ZMYM2: variants seen among roughly 807,000 people sequenced by gnomAD.
ZMYM2 encodes zinc finger MYM-type containing 2, also known as zinc finger MYM-type protein 2.
ZMYM2 carries 56 observed loss-of-function variants against 162.8 expected under a neutral mutation model. That is an observed-to-expected ratio of 0.34 (90% CI 0.28 to 0.43). ZMYM2 has a LOEUF of 0.43. Among genes scored for constraint, ZMYM2 ranks in the 20% least tolerant of loss-of-function variants. The pLI, the probability that ZMYM2 is intolerant of heterozygous loss-of-function variation, is 1.00. For synonymous variants in ZMYM2, 510 were observed against 541.6 expected, an observed-to-expected ratio of 0.94 and a Z score of 0.81; for missense variants, 1,275 against 1,621.8, an observed-to-expected ratio of 0.79 and a Z score of 3.67.
the ZMYM2 span, among the ~76,000 whole-genome samples, chr13:19,905,006 A>G: frequency 7.7e-6 from 1 of 129,912 alleles, no homozygotes; most frequent in African/African-American, 2.9e-5. Flanking sequence ...CTTGCTTTCA[A>G]TTTTTTTTTT....
chr13:19,911,093 C>A, the ZMYM2 span, among the ~76,000 whole-genome samples: 2 of 135,106 alleles, frequency 1.5e-5, no homozygotes, highest in African/African-American at 5.4e-5. Flanking sequence ...TGTTGTCCAG[C>A]TAATTTTGGC....
rs371908758 is a variant in ZMYM2 at position 20,003,956 on chromosome 13, G to A, written c.1133+821G>A. On this transcript the variant is annotated intron_variant, in intron 4 of 24. Coordinates refer to ENST00000610343, the MANE Select transcript of ZMYM2 (RefSeq NM_197968.4). The stretch of plus-strand genomic sequence containing the variant: ...GAGCCACCATGCCCAGCCCTCTTCT[G>A]CTGTTTTTTGATCTAGCTTCACTGG... Among the ~76,000 whole-genome samples, 171 of 151,962 alleles carry A rather than the reference G, an allele frequency of 1.1e-3. 1 individual carries two copies. In the Middle Eastern group the frequency reaches 0.017, roughly 15 times the overall value.
intron 1 of ZMYM2, among the ~76,000 whole-genome samples, chr13:19,959,178 C>A (rs1176422648): frequency 1.5e-5 from 2 of 136,854 alleles, no homozygotes; most frequent in Non-Finnish European, 3.2e-5. Context: ...GCCGGCGGGG[C>A]GGCGGGACGG....
Position 20,015,839 on chromosome 13 carries a change from C to T in ZMYM2, c.1513-3708C>T, listed in dbSNP as rs370011491. ...TTTATTTGTGTGGAGTATCTTTTTC[C>T]ATCCTTTTACTTTTGACCTGTTTGT... On this transcript the variant is annotated intron_variant, in intron 6 of 24. Coordinates refer to ENST00000610343, the MANE Select transcript of ZMYM2 (RefSeq NM_197968.4). Among the ~76,000 whole-genome samples the T allele has an allele frequency of 4.2e-4, 64 of 151,946 alleles. 1 individual carries two copies. In the South Asian group the frequency reaches 0.013, roughly 31 times the overall value.
At chr13:19,883,810 G>A in the ZMYM2 span, among the ~76,000 whole-genome samples, 2 of 152,042 alleles carry the variant, frequency 1.3e-5, no homozygotes, top group Non-Finnish European at 2.9e-5. Context: ...AGGCTGGAGC[G>A]CACGGGCACG....
At chr13:20,082,247 C>A in intron 22 of ZMYM2, 117 bp downstream of exon 22, 1 of 760,614 alleles carries the variant, frequency 1.3e-6, no homozygotes, top group Non-Finnish European at 2.1e-6. Flanking sequence ...TTTCTGAACA[C>A]TTACTCGAGC....
intron 1 of ZMYM2, among the ~76,000 whole-genome samples, chr13:19,959,494 G>GC (rs1405842465): frequency 2.0e-5 from 3 of 152,156 alleles, no homozygotes. Flanking sequence ...GTCGCCGACT[G>GC]CAGGGGGGGG....
At chr13:19,876,273 C>T in the ZMYM2 span, among the ~76,000 whole-genome samples, 9 of 152,154 alleles carry the variant, frequency 5.9e-5, no homozygotes, top group African/African-American at 2.2e-4. Flanking sequence ...GTGATCCGCC[C>T]GCCTTTGGCC....
rs953449701 is a variant in ZMYM2, at chr13:20,088,243, ATTGT to A, written c.*2235_*2238del. ...GAAAAGAAAAACTTATTTTATGAGA[ATTGT>A]TTGTTCTGTGAAACTCACTTCACCT... On this transcript the variant is annotated 3_prime_UTR_variant, in exon 25 of 25. Transcript: ENST00000610343. 1 of 208,198 alleles carries A rather than the reference ATTGT, an allele frequency of 4.8e-6. No homozygotes were observed. The highest frequency in any genetic ancestry group is 2.3e-5 in the African/African-American group (1 of 43,996). 12.9% of individuals were successfully genotyped at this position (208,198 alleles called of 1,614,324 possible). A position where few individuals can be genotyped will look rare whatever the true frequency, so the allele number is the denominator to read the frequency against.
the ZMYM2 span, among the ~76,000 whole-genome samples, chr13:19,886,030 G>C: frequency 1.5e-5 from 2 of 133,192 alleles, no homozygotes; most frequent in African/African-American, 5.6e-5. Context: ...TTAAAATACC[G>C]GCCTGGTATT....
the ZMYM2 span, among the ~76,000 whole-genome samples, chr13:19,953,589 CAGA>C: frequency 2.2e-5 from 3 of 139,250 alleles, no homozygotes; most frequent in African/African-American, 8.1e-5. Flanking sequence ...GAGGCTGAGG[CAGA>C]AGAATTGCTT....
At chr13:20,031,878 T>TTC (rs1953187192) in intron 10 of ZMYM2, among the ~76,000 whole-genome samples, 1 of 149,216 alleles carries the variant, frequency 6.7e-6, no homozygotes, top group Admixed American at 6.7e-5. Flanking sequence ...TTTTTTTTTT[T>TTC]TTTTCTTTTT....
At chr13:19,955,546 G>A (rs935227836), upstream of ZMYM2, among the ~76,000 whole-genome samples, 6 of 152,202 alleles carry the variant, frequency 3.9e-5, no homozygotes, top group Non-Finnish European at 2.9e-5. Context: ...CTCAATTAAC[G>A]GTGAGCTCTT....
the ZMYM2 span, among the ~76,000 whole-genome samples, chr13:19,902,823 G>A: frequency 4.6e-5 from 7 of 151,930 alleles, no homozygotes; most frequent in Admixed American, 4.6e-4. Context: ...GACCAGCCTG[G>A]ACAACAATAG....
the ZMYM2 span, among the ~76,000 whole-genome samples, chr13:19,888,922 A>T: frequency 6.6e-6 from 1 of 152,074 alleles, no homozygotes; most frequent in South Asian, 2.1e-4. Flanking sequence ...ACTTTAAATT[A>T]GGTTCTCAAA....
chr13:19,916,990 T>A, the ZMYM2 span, among the ~76,000 whole-genome samples: 314 of 152,252 alleles, frequency 2.1e-3, no homozygotes, highest in South Asian at 0.019. Flanking sequence ...TGAGACGGAG[T>A]CTCGCTCTGT....
Position 20,088,348 on chromosome 13 carries a change from A to T in ZMYM2, c.*2334A>T, listed in dbSNP as rs1467698560. ...CTGCTGAGAAAAGGACAATGAAATG[A>T]TAGCAATTTCCTTTTGCTTCTAGGT... On this transcript the variant is annotated 3_prime_UTR_variant, in exon 25 of 25. Transcript: ENST00000610343. The T allele has an allele frequency of 4.8e-6, 1 of 206,328 alleles. No homozygotes were observed. Among genetic ancestry groups the T allele is most frequent in the Non-Finnish European group, 9.9e-6 (1 of 100,850 alleles). 12.8% of individuals were successfully genotyped at this position (206,328 alleles called of 1,614,324 possible).
In ZMYM2 at chr13:19,988,928, C is replaced by T. The variant is rs147387150; in HGVS notation, c.-10-4135C>T. ...ATTTTGTCAACTGTATATCATCTTC[C>T]GCTAAGATGACTCCTTTTCCTTCCT... On this transcript the variant is annotated intron_variant, in intron 2 of 24. Coordinates refer to ENST00000610343, the MANE Select transcript of ZMYM2 (RefSeq NM_197968.4). Among the ~76,000 whole-genome samples, 171 of 152,234 alleles carry T rather than the reference C, an allele frequency of 1.1e-3. 1 individual carries two copies. In the Middle Eastern group the frequency reaches 0.017, roughly 15 times the overall value.
In ZMYM2 at chr13:20,062,401, GA is replaced by G. The variant is rs1956299756; in HGVS notation, c.2912-442del. Among the ~76,000 whole-genome samples the G allele has an allele frequency of 2.0e-5, 3 of 152,274 alleles. No individual in the cohort carries two copies. In the South Asian group the frequency reaches 6.2e-4, roughly 32 times the overall value. ...CCATGATTACAACACAAAAACACTT[GA>G]AAGCAACTGATCGAACCATTAAAAG... is the stretch of plus-strand genomic sequence containing the variant. On this transcript the variant is annotated intron_variant, in intron 17 of 24. Transcript: ENST00000610343.
Sources: gnomAD v4.1 joint callset for allele counts (sites outside exome capture counted in the v4.1 genomes callset) on GRCh38, gnomAD v4.1.1 for gene constraint, MANE v1.5 for transcripts, NCBI Gene and HGNC (gene_info 2026-07-23, HGNC 2026-07-21) for gene names.